The following ZFYVE26 variants were observed in gnomAD, a reference collection of about 807,000 sequenced individuals.
ZFYVE26 encodes the protein zinc finger FYVE domain-containing protein 26.
A neutral mutation model predicts 276.5 loss-of-function variants in ZFYVE26; 181 were observed. That is an observed-to-expected ratio of 0.65 (90% CI 0.58 to 0.74). The LOEUF is 0.74. ZFYVE26 is among the 30% of genes least tolerant of loss of function. The pLI is 0.00. For missense variants in ZFYVE26, 2,821 were observed against 3,097.9 expected (o/e 0.91, Z 2.12); for synonymous variants, 1,129 against 1,203.1 (o/e 0.94, Z 1.27).
intron 28 of ZFYVE26, 69 bp from the exon 29 acceptor site, chr14:67,769,799 T>C: frequency 6.2e-7 from 1 of 1,606,008 alleles, no homozygotes; most frequent in Non-Finnish European, 8.5e-7. Context: ...AATCCATTTA[T>C]ACATGGTATT....
In ZFYVE26 at chr14:67,777,592, G is replaced by T. The variant is rs1458673108; in HGVS notation, c.4941C>A (p.His1647Gln). 6.2e-7 allele frequency: 1 copy of T among 1,614,016 alleles called. No homozygotes were observed. Among genetic ancestry groups the T allele is most frequent in the Non-Finnish European group, 8.5e-7 (1 of 1,180,042 alleles). ...HFYGQLTAVR[H>Q]REIQALYVGS... ...CCACATACAGCGCCTGGATTTCACG[G>T]TGTCGGACAGCAGTCAGTTGTCCAT... Residue 1647 changes from histidine to glutamine, a missense_variant, in exon 25 of 42, where the codon CAC becomes CAA. Transcript: ENST00000347230.
chr14:67,769,453 G>A, intron 29 of ZFYVE26, 141 bp downstream of exon 29: 1 of 1,285,230 alleles, frequency 7.8e-7, no homozygotes, highest in Non-Finnish European at 1.1e-6. Flanking sequence ...ACCCTTCAGT[G>A]TAGAGTTAAT....
intron 35 of ZFYVE26, 83 bp from the exon 36 acceptor site, chr14:67,756,228 T>C: frequency 7.1e-7 from 1 of 1,404,836 alleles, no homozygotes; most frequent in Non-Finnish European, 1.0e-6. Context: ...TTCCTTCTAT[T>C]GATGAACCTT....
intron 13 of ZFYVE26, among the ~76,000 whole-genome samples, chr14:67,732,421 C>A (rs1324476233): frequency 1.1e-5 from 1 of 88,888 alleles, no homozygotes; most frequent in Admixed American, 1.4e-4. Context: ...TGAAGTGAGA[C>A]CCTATCTCAA....
rs2140252559 is a variant in ZFYVE26, at chr14:67,807,859, C to G, written c.425G>C (p.Arg142Thr). The part of the protein sequence containing the change: ...VGHVPDGNPR[R>T]ESWTPRLSSE... ...GCTGAGACGAGGAGTCCAGCTCTCC[C>G]TCCTTGGATTTCCGTCAGGCACGTG... The change falls in exon 5 of 42, where the codon AGG (arginine) becomes ACG (threonine). Residue 142 changes from arginine to threonine, a missense_variant. Coordinates refer to ENST00000347230, the MANE Select transcript of ZFYVE26 (RefSeq NM_015346.4). The G allele has an allele frequency of 1.2e-6, 2 of 1,613,978 alleles. No homozygotes were observed. Among genetic ancestry groups the G allele is most frequent in the Non-Finnish European group, 1.7e-6 (2 of 1,179,918 alleles).
intron 13 of ZFYVE26, among the ~76,000 whole-genome samples, chr14:67,732,296 A>T (rs1406431997): frequency 6.6e-6 from 1 of 151,386 alleles, no homozygotes; most frequent in Non-Finnish European, 1.5e-5. Context: ...AAATTAGCCC[A>T]GCATTGTGGT....
chr14:67,799,351 T>TA, intron 10 of ZFYVE26: 1 of 1,610,758 alleles, frequency 6.2e-7, no homozygotes, highest in Admixed American at 1.7e-5. Context: ...TGCAATCCTA[T>TA]AAGGCCTTTG....
intron 12 of ZFYVE26, among the ~76,000 whole-genome samples, chr14:67,795,488 C>T (rs1402546398): frequency 1.3e-5 from 2 of 152,120 alleles, no homozygotes; most frequent in East Asian, 3.8e-4. Context: ...CAGGCAGGGT[C>T]GCAGGTCACT....
rs370574795 is a variant in ZFYVE26 at position 67,790,631 on chromosome 14, A to T, written c.2696T>A (p.Ile899Asn). ...NQNSDAGSST[I>N]RRTGSGRSTL... ...TGAGCGGCCACTGCCAGTTCTCCGA[A>T]TGGTGCTGCTACCCGCATCTGAGTT... Residue 899 changes from isoleucine (I) to asparagine (N), a missense_variant, in exon 15 of 42, where the codon ATT becomes AAT. Physicochemically the swap from Ile to Asn is moderately radical, Grantham distance 149. Transcript: ENST00000347230. 2 of 1,614,138 alleles carry T rather than the reference A, an allele frequency of 1.2e-6. No individual in the cohort carries two copies. The highest frequency in any genetic ancestry group is 1.7e-5 in the Admixed American group (1 of 60,016).
intron 16 of ZFYVE26, among the ~76,000 whole-genome samples, chr14:67,787,729 A>T (rs1399981202): frequency 6.6e-6 from 1 of 152,220 alleles, no homozygotes; most frequent in Non-Finnish European, 1.5e-5. Flanking sequence ...CTGGACACAA[A>T]CAGCATTGTA....
chr14:67,799,279 G>A, intron 10 of ZFYVE26: 1 of 1,613,458 alleles, frequency 6.2e-7, no homozygotes, highest in Non-Finnish European at 8.5e-7. Flanking sequence ...TGCTTTGCGT[G>A]CAGTACACAG....
chr14:67,806,676 C>A lies in ZFYVE26; in HGVS notation c.887-1G>T. ...TCAGGATCTAGATGATCCGGTGAGA[C>A]TGAACATCAAACAAGACGGTTATCA... is the stretch of plus-strand genomic sequence containing the variant. On this transcript the variant is annotated splice_acceptor_variant, in intron 5 of 41. Coordinates refer to ENST00000347230, the MANE Select transcript of ZFYVE26 (RefSeq NM_015346.4). LOFTEE classifies it high-confidence loss of function. 1 of 1,613,554 alleles carries A rather than the reference C, an allele frequency of 6.2e-7. No individual in the cohort carries two copies. The highest frequency in any genetic ancestry group is 8.5e-7 in the Non-Finnish European group (1 of 1,179,746).
In ZFYVE26 at chr14:67,768,128, T is replaced by C. The variant is rs3825726; in HGVS notation, c.5654-288A>G. Among the ~76,000 whole-genome samples, 46,122 of 152,050 alleles carry C rather than the reference T, an allele frequency of 0.3. 7,450 individuals carry two copies. The highest frequency in any genetic ancestry group is 0.54 in the East Asian group (2,789 of 5,172). ...TTTCTCAAATAGATGGCTGAGCCAC[T>C]GGACACTCTAAAAACTAACCTGTTG... On this transcript the variant is annotated intron_variant, in intron 30 of 41. Coordinates refer to ENST00000347230, the MANE Select transcript of ZFYVE26 (RefSeq NM_015346.4).
intron 40 of ZFYVE26, chr14:67,751,349 C>T: frequency 1.8e-6 from 1 of 559,000 alleles, no homozygotes; most frequent in South Asian, 2.0e-5. Flanking sequence ...CAGTTCACCC[C>T]TCCTTAGGCA....
intron 35 of ZFYVE26, 52 bp from the exon 36 acceptor site, chr14:67,756,197 T>C: frequency 6.3e-7 from 1 of 1,585,396 alleles, no homozygotes; most frequent in Non-Finnish European, 8.7e-7. Context: ...GTTCTGGCAC[T>C]GTCTGGGATC....
At chr14:67,814,902 G>C (rs181561) in intron 2 of ZFYVE26, among the ~76,000 whole-genome samples, 45,433 of 152,074 alleles carry the variant, frequency 0.3, 7,263 homozygotes, top group Middle Eastern at 0.46. Context: ...TATGTAAACA[G>C]TATAGCATAA....
intron 11 of ZFYVE26, 52 bp from the exon 12 acceptor site, chr14:67,797,807 G>T (rs2140242345): frequency 6.2e-7 from 1 of 1,607,396 alleles, no homozygotes; most frequent in Non-Finnish European, 8.5e-7. Context: ...ACTTTGATTT[G>T]GCCCTTTCTT....
intron 29 of ZFYVE26, among the ~76,000 whole-genome samples, chr14:67,769,266 A>G (rs2039140315): frequency 6.6e-6 from 1 of 152,190 alleles, no homozygotes; most frequent in Non-Finnish European, 1.5e-5. Context: ...AGACCAGTTG[A>G]AGCAAGAGAG....
In ZFYVE26 at chr14:67,772,155, C is replaced by T. The variant is rs961523650; in HGVS notation, c.5376G>A (p.Gln1792=). The T allele has an allele frequency of 1.9e-6, 3 of 1,613,294 alleles. No homozygotes were observed. The highest frequency in any genetic ancestry group is 2.7e-5 in the African/African-American group (2 of 74,990). Residue 1792 remains glutamine (Q), a synonymous_variant, in exon 28 of 42, where the codon CAG becomes CAA. Transcript: ENST00000347230. ...SLRERSFPPT[Q]PSQEFVPPAT... is the part of the protein sequence containing the mutation. ...CTGGGGGCACAAATTCCTGTGAGGG[C>T]TGGGTTGGTGGGAAACTCCTTTCCC...
Sources: gnomAD v4.1 joint callset for allele counts (sites outside exome capture counted in the v4.1 genomes callset) on GRCh38, gnomAD v4.1.1 for gene constraint, MANE v1.5 for transcripts, NCBI Gene and HGNC (gene_info 2026-07-23, HGNC 2026-07-21) for gene names.